The following OR8B2 variants were observed in gnomAD, a reference collection of about 807,000 sequenced individuals.
The protein encoded by OR8B2 is olfactory receptor family 8 subfamily B member 2, also known as olfactory receptor 8B2.
For missense variants in OR8B2, 304 were observed against 379.6 expected (o/e 0.80, Z 1.65); for synonymous variants, 98 against 138.2 (o/e 0.71, Z 2.04).
At chr11:124,393,458 G>A in the OR8B2 span, among the ~76,000 whole-genome samples, 2 of 139,470 alleles carry the variant, frequency 1.4e-5, no homozygotes, top group South Asian at 2.3e-4. Flanking sequence ...CAAAGGATAT[G>A]AACAGACACT....
chr11:124,395,128 A>G, the OR8B2 span, among the ~76,000 whole-genome samples: 6,994 of 152,068 alleles, frequency 0.046, 544 homozygotes, highest in African/African-American at 0.16. Context: ...AAAATGAACC[A>G]AAACCATACA....
At chr11:124,393,893 G>T in the OR8B2 span, among the ~76,000 whole-genome samples, 2 of 150,450 alleles carry the variant, frequency 1.3e-5, no homozygotes, top group Non-Finnish European at 3.0e-5. Context: ...AAAAAAATGT[G>T]GCACATGTAC....
upstream of OR8B2, among the ~76,000 whole-genome samples, chr11:124,385,330 C>G (rs1381767880): frequency 3.3e-5 from 5 of 152,110 alleles, no homozygotes; most frequent in Non-Finnish European, 7.3e-5. Flanking sequence ...ATTAGAATCA[C>G]AAGAAGTGGC....
Position 124,382,432 on chromosome 11 carries a change from C to G in OR8B2, c.912G>C (p.Leu304=). 6.2e-7 allele frequency: 1 copy of G among 1,608,462 alleles called. No homozygotes were observed. Among genetic ancestry groups the G allele is most frequent in the Non-Finnish European group, 8.5e-7 (1 of 1,178,508 alleles). ...KDVKVALRKA[L]IKIQRRNIF is the part of the protein sequence containing the mutation. ...ATATATTTCTCCTCTGAATTTTAAT[C>G]AGAGCTTTCCTCAGTGCAACTTTGA... Residue 304 remains leucine, a synonymous_variant, in exon 2 of 2, where the codon CTG becomes CTC. Transcript: ENST00000641451.
the OR8B2 span, among the ~76,000 whole-genome samples, chr11:124,394,674 G>A: frequency 1.3e-5 from 2 of 152,080 alleles, no homozygotes; most frequent in African/African-American, 4.8e-5. Flanking sequence ...AATGTACTCT[G>A]CCTAAACACC....
the OR8B2 span, chr11:124,397,012 T>C: frequency 2.5e-6 from 4 of 1,613,872 alleles, no homozygotes; most frequent in South Asian, 3.3e-5. Context: ...GAGGTCAACA[T>C]GTAACATTCA....
At chr11:124,388,097 G>A (rs377535925), upstream of OR8B2, among the ~76,000 whole-genome samples, 3,862 of 151,820 alleles carry the variant, frequency 0.025, no homozygotes, top group African/African-American at 0.067. Flanking sequence ...TGTGATTTTT[G>A]TACATTGATT....
upstream of OR8B2, among the ~76,000 whole-genome samples, chr11:124,386,852 G>A (rs1057367747): frequency 6.6e-6 from 1 of 151,652 alleles, no homozygotes; most frequent in Non-Finnish European, 1.5e-5. Context: ...CACAAGGGTT[G>A]AACTAGTTTA....
Position 124,382,394 on chromosome 11 carries a change from G to A in OR8B2, c.*8C>T, listed in dbSNP as rs1278538714. On this transcript the variant is annotated 3_prime_UTR_variant, in exon 2 of 2. Transcript: ENST00000641451. The stretch of plus-strand genomic sequence containing the variant: ...CCTTCAATTGTTTTACATCATTACT[G>A]CTTCTAATTAGAATATATTTCTCCT... 1.9e-6 allele frequency: 3 copies of A among 1,583,060 alleles called. No individual in the cohort carries two copies. In the African/African-American group the frequency reaches 4.1e-5, roughly 22 times the overall value.
chr11:124,396,873 G>C, the OR8B2 span: 30 of 1,606,908 alleles, frequency 1.9e-5, no homozygotes, highest in South Asian at 3.1e-4. Flanking sequence ...CATGCACCCG[G>C]TGTGGGCCGT....
chr11:124,393,806 G>GT, the OR8B2 span, among the ~76,000 whole-genome samples: 1 of 151,274 alleles, frequency 6.6e-6, no homozygotes, highest in Non-Finnish European at 1.5e-5. Context: ...ACATGCACAC[G>GT]TATGTTTATT....
chr11:124,382,733 C>A lies in OR8B2; in HGVS notation c.611G>T (p.Gly204Val), dbSNP rs1359296370. 2 of 1,613,668 alleles carry A rather than the reference C, an allele frequency of 1.2e-6. No homozygotes were observed. The highest frequency in any genetic ancestry group is 1.7e-6 in the Non-Finnish European group (2 of 1,179,834). The change falls in exon 2 of 2, where the codon GGT becomes GTT. Residue 204 changes from glycine (G) to valine (V), a missense_variant. By Grantham distance (109) the Gly-to-Val change is moderately radical (BLOSUM62 -3). Transcript: ENST00000641451. Reference sequence around the variant, plus strand: ...ACAACTGGGTACCGTGATATTAGTACCCACAACAATGAGAACAACCACCTC... The same window carrying A: ...ACAACTGGGTACCGTGATATTAGTAACCACAACAATGAGAACAACCACCTC... ...VNEVVVLIVV[G>V]TNITVPSCTI...
chr11:124,386,393 G>T (rs2134194218), upstream of OR8B2, among the ~76,000 whole-genome samples: 1 of 133,442 alleles, frequency 7.5e-6, no homozygotes, highest in South Asian at 2.9e-4. Flanking sequence ...ATCTCCTAAA[G>T]CTATCCCTCC....
At chr11:124,389,603 T>C in the OR8B2 span, among the ~76,000 whole-genome samples, 4 of 152,150 alleles carry the variant, frequency 2.6e-5, no homozygotes, top group African/African-American at 9.7e-5. Flanking sequence ...CCCCCAGAAC[T>C]CCTAGGTTTA....
Position 124,383,193 on chromosome 11 carries a change from G to T in OR8B2, c.151C>A (p.Leu51Ile). 1 of 1,613,964 alleles carries T rather than the reference G, an allele frequency of 6.2e-7. No individual in the cohort carries two copies. The highest frequency in any genetic ancestry group is 8.5e-7 in the Non-Finnish European group (1 of 1,179,856). ...ATTGGTGTGTGGAGGTGAGAATTTA[G>T]ACCGAAAAGAGTGATCAAGCCAAGG... Reference protein sequence around the residue: ...GNLGLITLFGLNSHLHTPMYY... With the variant: ...GNLGLITLFGINSHLHTPMYY... The change falls in exon 2 of 2, where the codon CTA (leucine) becomes ATA (isoleucine). Residue 51 changes from leucine (L) to isoleucine (I), a missense_variant. Physicochemically the swap from Leu to Ile is conservative, Grantham distance 5 (BLOSUM62 2). Coordinates refer to ENST00000641451, the MANE Select transcript of OR8B2 (RefSeq NM_001005468.2).
upstream of OR8B2, among the ~76,000 whole-genome samples, chr11:124,386,310 G>T (rs56000699): frequency 6.8e-6 from 1 of 148,000 alleles, no homozygotes; most frequent in African/African-American, 2.5e-5. Flanking sequence ...ACAATGTGCA[G>T]GTTAGTTACA....
chr11:124,394,186 G>T, the OR8B2 span, among the ~76,000 whole-genome samples: 1 of 151,326 alleles, frequency 6.6e-6, no homozygotes, highest in Non-Finnish European at 1.5e-5. Flanking sequence ...ACACCAGCAT[G>T]TCACATGTAT....
rs746000243 is a variant in OR8B2, at chr11:124,382,755, C to T, written c.589G>A (p.Val197Met). Residue 197 changes from valine (V) to methionine (M), a missense_variant, in exon 2 of 2, where the codon GTG becomes ATG. Physicochemically the swap from Val to Met is conservative, Grantham distance 21. Coordinates refer to ENST00000641451, the MANE Select transcript of OR8B2 (RefSeq NM_001005468.2). ...GTACCCACAACAATGAGAACAACCA[C>T]CTCGTTGACATAGGTGCTGGTGCAG... ...LSCTSTYVNE[V>M]VVLIVVGTNI... The T allele has an allele frequency of 4.3e-6, 7 of 1,613,686 alleles. No homozygotes were observed. The highest frequency in any genetic ancestry group is 5.9e-6 in the Non-Finnish European group (7 of 1,179,814).
chr11:124,394,844 C>T, the OR8B2 span, among the ~76,000 whole-genome samples: 3 of 151,940 alleles, frequency 2.0e-5, no homozygotes. Context: ...ATATAATTGT[C>T]GTTATTTTTA....
Sources: gnomAD v4.1 joint callset for allele counts (sites outside exome capture counted in the v4.1 genomes callset) on GRCh38, gnomAD v4.1.1 for gene constraint, MANE v1.5 for transcripts, NCBI Gene and HGNC (gene_info 2026-07-23, HGNC 2026-07-21) for gene names.